HRH1: variants seen among roughly 807,000 people sequenced by gnomAD.
The protein encoded by HRH1 is histamine receptor H1, also known as histamine H1 receptor.
HRH1 carries 6 observed loss-of-function variants against 10.3 expected under a neutral mutation model. The ratio of observed to expected loss-of-function variants is 0.58; its 90% confidence interval spans 0.32 to 1.15. HRH1 has a LOEUF of 1.15. HRH1 is among the 50% of genes most tolerant of loss of function. The probability of loss-of-function intolerance (pLI) is 0.05; values close to 1 mark genes in which losing one functional copy is unlikely to be tolerated. For synonymous variants in HRH1, 242 were observed against 236.7 expected, an observed-to-expected ratio of 1.02 and a Z score of -0.21; for missense variants, 514 against 615.3, an observed-to-expected ratio of 0.84 and a Z score of 1.74.
intron 1 of HRH1, among the ~76,000 whole-genome samples, chr3:11,185,989 C>T (rs111345754): frequency 3.9e-5 from 6 of 152,234 alleles, no homozygotes; most frequent in African/African-American, 1.2e-4. Context: ...GTGGAAGCCC[C>T]GACCTCCAGC....
intron 1 of HRH1, among the ~76,000 whole-genome samples, chr3:11,228,774 C>T (rs572188468): frequency 3.3e-5 from 5 of 152,004 alleles, no homozygotes; most frequent in South Asian, 4.2e-4. Context: ...ATTAGCCAGG[C>T]GTGGTGGTGC....
chr3:11,250,782 G>C (rs1939629257), intron 1 of HRH1, among the ~76,000 whole-genome samples: 1 of 152,164 alleles, frequency 6.6e-6, no homozygotes, highest in Admixed American at 6.5e-5. Flanking sequence ...CAGGGCAATA[G>C]GCCTTTCGAC....
chr3:11,156,101 G>A (rs571933673), intron 1 of HRH1, among the ~76,000 whole-genome samples: 21 of 152,294 alleles, frequency 1.4e-4, no homozygotes, highest in Middle Eastern at 3.4e-3. Context: ...ATAGAGGAAA[G>A]CCAGGCAGCA....
intron 1 of HRH1, among the ~76,000 whole-genome samples, chr3:11,157,323 G>T (rs1436580239): frequency 2.0e-5 from 3 of 152,200 alleles, no homozygotes; most frequent in Non-Finnish European, 2.9e-5. Flanking sequence ...AAATTGCAAA[G>T]AATTACATAC....
chr3:11,211,138 C>T (rs1014119028), intron 1 of HRH1, among the ~76,000 whole-genome samples: 1 of 152,158 alleles, frequency 6.6e-6, no homozygotes, highest in Non-Finnish European at 1.5e-5. Context: ...ATAAAGTAGG[C>T]TAAGAGGTTA....
chr3:11,198,382 CT>C (rs1054514385), intron 1 of HRH1, among the ~76,000 whole-genome samples: 5 of 152,128 alleles, frequency 3.3e-5, no homozygotes, highest in African/African-American at 7.2e-5. Flanking sequence ...ATTTTTCCTG[CT>C]GCCAGGATTT....
At chr3:11,191,448 A>C (rs1937527787) in intron 1 of HRH1, among the ~76,000 whole-genome samples, 1 of 152,192 alleles carries the variant, frequency 6.6e-6, no homozygotes, top group Non-Finnish European at 1.5e-5. Context: ...ATATTCTAGG[A>C]GCTTCAGGTG....
Position 11,261,180 on chromosome 3 carries a change from G to A in HRH1, c.*679G>A, listed in dbSNP as rs1939944450. 1 of 167,096 alleles carries A rather than the reference G, an allele frequency of 6.0e-6. No homozygotes were observed. Among genetic ancestry groups the A allele is most frequent in the Admixed American group, 6.5e-5 (1 of 15,288 alleles). The allele number at this position is 167,096 out of a possible 1,614,324, so 10.4% of individuals were successfully genotyped here. ...ATGTTTAGAGTGGATAGAAAATTAT[G>A]CAGCTTGCACACCCATCGTCTTTAA... is the stretch of plus-strand genomic sequence containing the variant. On this transcript the variant is annotated 3_prime_UTR_variant, in exon 2 of 2. Coordinates refer to ENST00000431010, the MANE Select transcript of HRH1 (RefSeq NM_001098212.2).
chr3:11,143,793 A>G (rs1936343349), intron 1 of HRH1, among the ~76,000 whole-genome samples: 1 of 152,022 alleles, frequency 6.6e-6, no homozygotes, highest in Non-Finnish European at 1.5e-5. Context: ...TCCTGCCTCC[A>G]AGGGTTTGCT....
chr3:11,237,651 TCTTTTTCTTTTC>T (rs1939217638), intron 1 of HRH1, among the ~76,000 whole-genome samples: 1 of 146,176 alleles, frequency 6.8e-6, no homozygotes, highest in Non-Finnish European at 1.5e-5. Flanking sequence ...ATATTTCTTT[TCTTTTTCTTTTC>T]CTTTTTTTTT....
At chr3:11,154,046 G>T (rs868445217), upstream of HRH1, among the ~76,000 whole-genome samples, 2 of 152,282 alleles carry the variant, frequency 1.3e-5, no homozygotes, top group South Asian at 4.1e-4. This position sits in a 1 kb window ranked among gnomAD's most constrained non-coding sequence, Gnocchi z 4.4. Flanking sequence ...ATCTATCTGT[G>T]ATTGACTCTG....
chr3:11,215,295 T>C (rs1268642607), intron 1 of HRH1, among the ~76,000 whole-genome samples: 2 of 152,240 alleles, frequency 1.3e-5, no homozygotes, highest in African/African-American at 2.4e-5. Flanking sequence ...ATTCTTACCA[T>C]ATATAATACA....
rs1165515974 is a variant in HRH1, at chr3:11,204,861, A to G, written c.-36+50307A>G. Among the ~76,000 whole-genome samples, 3 of 152,304 alleles carry G rather than the reference A, an allele frequency of 2.0e-5. 1 individual carries two copies. The highest frequency in any genetic ancestry group is 7.2e-5 in the African/African-American group (3 of 41,566). On this transcript the variant is annotated intron_variant, in intron 1 of 1. Transcript: ENST00000431010. Reference sequence around the variant, plus strand: ...TCAGGAGCCTGGATGTACCAGGTGCAGTCCCCGCTGGGTAGCGCCTGGCCC... The same window carrying G: ...TCAGGAGCCTGGATGTACCAGGTGCGGTCCCCGCTGGGTAGCGCCTGGCCC...
intron 1 of HRH1, among the ~76,000 whole-genome samples, chr3:11,185,891 TC>T (rs1696371725): frequency 6.6e-6 from 1 of 152,164 alleles, no homozygotes; most frequent in South Asian, 2.1e-4. Context: ...TTCCCAGGGC[TC>T]CGGCACTTGC....
chr3:11,224,842 C>T (rs1218480119), intron 1 of HRH1, among the ~76,000 whole-genome samples: 1 of 152,108 alleles, frequency 6.6e-6, no homozygotes, highest in African/African-American at 2.4e-5. Context: ...AATTACAGTT[C>T]CCACTTCCAA....
chr3:11,144,475 A>ATACGTCTATCGG (rs1559249806), intron 1 of HRH1, among the ~76,000 whole-genome samples: 1 of 59,136 alleles, frequency 1.7e-5, no homozygotes, highest in Non-Finnish European at 3.8e-5. Context: ...ACATATAGAC[A>ATACGTCTATCGG]TATATATACA....
At chr3:11,238,608 G>A (rs921752094) in intron 1 of HRH1, among the ~76,000 whole-genome samples, 7 of 152,126 alleles carry the variant, frequency 4.6e-5, no homozygotes, top group African/African-American at 7.2e-5. Flanking sequence ...TTCAGTTATC[G>A]TTAGTAAATG....
intron 1 of HRH1, among the ~76,000 whole-genome samples, chr3:11,158,308 G>A (rs186177021): frequency 2.0e-5 from 3 of 152,192 alleles, no homozygotes; most frequent in Admixed American, 6.5e-5. Context: ...AGAATCTCCT[G>A]TATTTATACA....
intron 1 of HRH1, among the ~76,000 whole-genome samples, chr3:11,155,145 T>C: frequency 6.6e-6 from 1 of 152,116 alleles, no homozygotes; most frequent in East Asian, 1.9e-4. Flanking sequence ...AGCCCCAGGC[T>C]CAGCGTCACC....
Sources: gnomAD v4.1 joint callset for allele counts (sites outside exome capture counted in the v4.1 genomes callset) on GRCh38, gnomAD v4.1.1 for gene constraint, Gnocchi (gnomAD v3.1) non-coding constraint, MANE v1.5 for transcripts, NCBI Gene and HGNC (gene_info 2026-07-23, HGNC 2026-07-21) for gene names.